Variants in ASTN2 observed in about 807,000 individuals in gnomAD.
ASTN2 encodes astrotactin-2.
A neutral mutation model predicts 139.8 loss-of-function variants in ASTN2; 54 were observed. The observed-to-expected ratio is 0.39, with a 90% CI of 0.31 to 0.48. The LOEUF is 0.48. Among genes scored for constraint, ASTN2 ranks in the 20% least tolerant of loss-of-function variants. The pLI is 0.95. For synonymous variants in ASTN2, 756 were observed against 719.5 expected, an observed-to-expected ratio of 1.05 and a Z score of -0.81; for missense variants, 1,565 against 1,725.1, an observed-to-expected ratio of 0.91 and a Z score of 1.64.
Position 117,399,082 on chromosome 9 carries a change from C to T in ASTN2, c.442+15415G>A, listed in dbSNP as rs1433146879. ...TACAGGCGTGAGCCACCGCGCCTGA[C>T]CCAAAATGTAAAATTGAGGTTGGAA... On this transcript the variant is annotated intron_variant, in intron 1 of 22. Coordinates refer to ENST00000313400, the MANE Select transcript of ASTN2 (RefSeq NM_001365068.1). 2.0e-5 allele frequency among the ~76,000 whole-genome samples: 3 copies of T among 152,138 alleles called. No individual in the cohort carries two copies. In the East Asian group the frequency reaches 5.8e-4, roughly 29 times the overall value.
At chr9:116,943,336 T>G (rs1835291331) in intron 10 of ASTN2, among the ~76,000 whole-genome samples, 1 of 152,170 alleles carries the variant, frequency 6.6e-6, no homozygotes, top group Non-Finnish European at 1.5e-5. Context: ...ACACAGATAC[T>G]CATTCCTACT....
chr9:117,099,575 T>A (rs1438938820), intron 4 of ASTN2, among the ~76,000 whole-genome samples: 1 of 152,218 alleles, frequency 6.6e-6, no homozygotes, highest in Non-Finnish European at 1.5e-5. Flanking sequence ...CAGGCACTAT[T>A]CTAAAGCCTT....
chr9:116,502,656 C>G (rs1169558767), intron 19 of ASTN2, among the ~76,000 whole-genome samples: 3 of 130,480 alleles, frequency 2.3e-5, no homozygotes, highest in African/African-American at 8.8e-5. Context: ...CCAAGGCAAA[C>G]AAGAAAAACA....
At chr9:116,520,135 C>T (rs1222064892) in intron 19 of ASTN2, among the ~76,000 whole-genome samples, 1 of 151,904 alleles carries the variant, frequency 6.6e-6, no homozygotes, top group African/African-American at 2.4e-5. Flanking sequence ...AGAGGGAATC[C>T]TCCGTAACAT....
chr9:117,195,255 G>A (rs769141048), intron 3 of ASTN2, among the ~76,000 whole-genome samples: 5 of 152,194 alleles, frequency 3.3e-5, no homozygotes, highest in Middle Eastern at 3.2e-3. Context: ...ATGAGAGAGA[G>A]CCATCCATGC....
intron 1 of ASTN2, among the ~76,000 whole-genome samples, chr9:117,371,644 A>T (rs1005148249): frequency 6.6e-6 from 1 of 152,196 alleles, no homozygotes; most frequent in Non-Finnish European, 1.5e-5. Flanking sequence ...ATAGAGTCAC[A>T]TCTCATCTCA....
At chr9:117,310,825 T>G (rs1296453666) in intron 1 of ASTN2, among the ~76,000 whole-genome samples, 4 of 152,106 alleles carry the variant, frequency 2.6e-5, no homozygotes, top group Non-Finnish European at 4.4e-5. Context: ...AGTCTCACTA[T>G]GTTGCCTAGG....
At chr9:117,005,796 T>A (rs1837337777) in intron 7 of ASTN2, among the ~76,000 whole-genome samples, 1 of 152,142 alleles carries the variant, frequency 6.6e-6, no homozygotes, top group African/African-American at 2.4e-5. Flanking sequence ...CCTGTCTTGC[T>A]TCCTGTGACC....
chr9:116,874,390 T>A (rs1833242998), intron 10 of ASTN2, among the ~76,000 whole-genome samples: 1 of 152,140 alleles, frequency 6.6e-6, no homozygotes, highest in African/African-American at 2.4e-5. Flanking sequence ...CTCGGTCACA[T>A]CCCTTAGTGC....
intron 1 of ASTN2, among the ~76,000 whole-genome samples, chr9:117,373,278 C>T (rs1830035390): frequency 6.6e-6 from 1 of 152,154 alleles, no homozygotes; most frequent in Non-Finnish European, 1.5e-5. Context: ...TGCTTAAACT[C>T]CGTTAAGTCT....
At chr9:117,093,865 C>G (rs4335198) in intron 5 of ASTN2, among the ~76,000 whole-genome samples, 1 of 152,080 alleles carries the variant, frequency 6.6e-6, no homozygotes, top group African/African-American at 2.4e-5. Flanking sequence ...TAGGGTAATT[C>G]ATGCTCACTG....
chr9:116,697,133 T>C (rs1223075595), intron 16 of ASTN2, among the ~76,000 whole-genome samples: 1 of 152,158 alleles, frequency 6.6e-6, no homozygotes, highest in African/African-American at 2.4e-5. Context: ...AGCAGAACAT[T>C]ATGTGGACTT....
intron 13 of ASTN2, among the ~76,000 whole-genome samples, chr9:116,753,357 C>T (rs1038697475): frequency 5.3e-5 from 8 of 152,102 alleles, no homozygotes; most frequent in Non-Finnish European, 8.8e-5. Context: ...GGGAGAGAGG[C>T]AGAGAGAGGA....
At chr9:117,397,428 A>C (rs1447391752) in intron 1 of ASTN2, among the ~76,000 whole-genome samples, 1 of 152,210 alleles carries the variant, frequency 6.6e-6, no homozygotes, top group African/African-American at 2.4e-5. Context: ...CAACTATAAA[A>C]ATTTAGAAAG....
chr9:117,010,053 T>C (rs1837472829), intron 6 of ASTN2, among the ~76,000 whole-genome samples: 1 of 152,136 alleles, frequency 6.6e-6, no homozygotes, highest in Non-Finnish European at 1.5e-5. Flanking sequence ...GTGGACAACA[T>C]AATTTTGGTG....
At chr9:116,539,732 G>A (rs1288416786) in intron 19 of ASTN2, among the ~76,000 whole-genome samples, 1 of 152,214 alleles carries the variant, frequency 6.6e-6, no homozygotes, top group African/African-American at 2.4e-5. Context: ...CCCTGGGTGG[G>A]ATGGTGCAAG....
At chr9:116,715,440 T>G (rs1828286263) in intron 16 of ASTN2, among the ~76,000 whole-genome samples, 1 of 152,156 alleles carries the variant, frequency 6.6e-6, no homozygotes, top group South Asian at 2.1e-4. Flanking sequence ...AGCTTTGCAT[T>G]GTTGTCTCCT....
chr9:116,997,014 T>A (rs1429776788), intron 7 of ASTN2, among the ~76,000 whole-genome samples: 1 of 152,144 alleles, frequency 6.6e-6, no homozygotes, highest in African/African-American at 2.4e-5. Context: ...TTGGTACCTA[T>A]AATCATCAGA....
intron 10 of ASTN2, among the ~76,000 whole-genome samples, chr9:116,910,021 C>T (rs1302624699): frequency 1.3e-5 from 2 of 152,056 alleles, no homozygotes; most frequent in Non-Finnish European, 2.9e-5. Flanking sequence ...AGTCTCTGGA[C>T]CAAAATAGGC....
Sources: allele counts gnomAD v4.1 joint callset (sites outside exome capture counted in the v4.1 genomes callset), GRCh38; gene constraint gnomAD v4.1.1; transcripts MANE v1.5; gene names NCBI Gene and HGNC (gene_info 2026-07-23, HGNC 2026-07-21).